STK40: variants seen among roughly 807,000 people sequenced by gnomAD.
STK40 encodes the protein serine/threonine kinase 40.
Under a neutral mutation model 47.9 loss-of-function variants are expected in STK40, and 13 were observed. The ratio of observed to expected loss-of-function variants is 0.27; its 90% CI spans 0.18 to 0.43. The LOEUF (loss-of-function observed/expected upper bound fraction) is 0.43, where lower values mean the gene tolerates loss of function less well. STK40 is among the 20% of genes least tolerant of loss of function. The probability of loss-of-function intolerance (pLI) is 1.00; values close to 1 mark genes in which losing one functional copy is unlikely to be tolerated. For synonymous variants in STK40, 225 were observed against 243.2 expected (o/e 0.93, Z 0.69); for missense variants, 460 against 595.1 (o/e 0.77, Z 2.36).
At chr1:36,370,117 A>G (rs1646932848) in intron 1 of STK40, among the ~76,000 whole-genome samples, 1 of 152,250 alleles carries the variant, frequency 6.6e-6, no homozygotes, top group South Asian at 2.1e-4. Context: ...TGCATGAGGC[A>G]GAATGGGGAC....
chr1:36,341,980 G>C lies in STK40; in HGVS notation c.1090-7C>G, dbSNP rs1243994517. The stretch of plus-strand genomic sequence containing the variant: ...ACTCCTCCGTCACCTTCGCCTTTGA[G>C]GCGGGGAGGGTGGGAAGGAGACAAA... On this transcript the variant is annotated splice_region_variant and splice_polypyrimidine_tract_variant and intron_variant, in intron 10 of 10. Coordinates refer to ENST00000373132, the MANE Select transcript of STK40 (RefSeq NM_001282547.2). The C allele has an allele frequency of 6.2e-7, 1 of 1,608,842 alleles. No homozygotes were observed. The highest frequency in any genetic ancestry group is 1.1e-5 in the South Asian group (1 of 90,618).
At chr1:36,382,319 A>G (rs966635615) in intron 1 of STK40, among the ~76,000 whole-genome samples, 12 of 152,020 alleles carry the variant, frequency 7.9e-5, no homozygotes, top group Non-Finnish European at 1.5e-4. Context: ...AGCTGGGACT[A>G]CAGGTGCGTA....
chr1:36,374,370 T>C (rs996666384), intron 1 of STK40, among the ~76,000 whole-genome samples: 4 of 152,112 alleles, frequency 2.6e-5, no homozygotes, highest in Non-Finnish European at 4.4e-5. Flanking sequence ...CACACAGAGG[T>C]AGAGAGAAGC....
intron 1 of STK40, among the ~76,000 whole-genome samples, chr1:36,371,614 C>T (rs1646947698): frequency 6.8e-6 from 1 of 146,948 alleles, no homozygotes; most frequent in South Asian, 2.2e-4. Context: ...ATGGGTCATG[C>T]CTGTGTAATC....
At chr1:36,346,564 G>T (rs1160091604) in intron 7 of STK40, among the ~76,000 whole-genome samples, 1 of 152,232 alleles carries the variant, frequency 6.6e-6, no homozygotes, top group African/African-American at 2.4e-5. Flanking sequence ...ACCCAGGAGG[G>T]AGGAGGCTGA....
At chr1:36,384,073 A>T (rs1465690614) in intron 1 of STK40, among the ~76,000 whole-genome samples, 2 of 147,726 alleles carry the variant, frequency 1.4e-5, no homozygotes, top group Non-Finnish European at 3.0e-5. Context: ...TCTGTTACTC[A>T]GGCTGGAGTG....
chr1:36,341,314 A>T lies in STK40; in HGVS notation c.*441T>A. On this transcript the variant is annotated 3_prime_UTR_variant, in exon 11 of 11. Coordinates refer to ENST00000373132, the MANE Select transcript of STK40 (RefSeq NM_001282547.2). Reference sequence around the variant, plus strand: ...GGCTGTGGCAGGGGCCTGGGAGAGCAGGGAGGAGGGGAAGCTCGCTCTGGG... The same window carrying T: ...GGCTGTGGCAGGGGCCTGGGAGAGCTGGGAGGAGGGGAAGCTCGCTCTGGG... The T allele has an allele frequency of 6.2e-6, 1 of 162,322 alleles. No homozygotes were observed. Among genetic ancestry groups the T allele is most frequent in the Non-Finnish European group, 1.4e-5 (1 of 73,690 alleles). The allele number at this position is 162,322 out of a possible 1,614,324, so 10.1% of individuals were successfully genotyped here. A position where few individuals can be genotyped will look rare whatever the true frequency, so the allele number is the denominator to read the frequency against.
chr1:36,344,796 C>T (rs989969012), intron 7 of STK40, among the ~76,000 whole-genome samples: 3 of 152,224 alleles, frequency 2.0e-5, no homozygotes, highest in Non-Finnish European at 4.4e-5. Context: ...CAGCACGGAC[C>T]CAAGTATTTG....
At chr1:36,351,741 A>G (rs1413884693) in intron 6 of STK40, among the ~76,000 whole-genome samples, 1 of 152,192 alleles carries the variant, frequency 6.6e-6, no homozygotes, top group Non-Finnish European at 1.5e-5. Flanking sequence ...CACTCCCAGG[A>G]CCAAGGGGCC....
At chr1:36,344,097 AC>A in intron 8 of STK40, 22 bp downstream of exon 8, 16 of 749,776 alleles carry the variant, frequency 2.1e-5, no homozygotes, top group Admixed American at 6.0e-5. Flanking sequence ...TGCCCCCCCC[AC>A]CCCCCGGGAG....
intron 1 of STK40, among the ~76,000 whole-genome samples, chr1:36,383,027 C>A (rs1647054242): frequency 6.6e-6 from 1 of 152,154 alleles, no homozygotes; most frequent in South Asian, 2.1e-4. Context: ...TGGTTCACCG[C>A]AACCTCCGCC....
Position 36,340,723 on chromosome 1 carries a change from G to C in STK40, c.*1032C>G, listed in dbSNP as rs1280337135. On this transcript the variant is annotated 3_prime_UTR_variant, in exon 11 of 11. Coordinates refer to ENST00000373132, the MANE Select transcript of STK40 (RefSeq NM_001282547.2). Reference sequence around the variant, plus strand: ...TCCCTCACCACCATGGAGGACCCTTGCTAGGGTCTACCGGGAGAGTCACCA... The same window carrying C: ...TCCCTCACCACCATGGAGGACCCTTCCTAGGGTCTACCGGGAGAGTCACCA... The C allele has an allele frequency of 1.3e-5, 2 of 152,662 alleles. No individual in the cohort carries two copies. The highest frequency in any genetic ancestry group is 1.3e-4 in the Admixed American group (2 of 15,282). 9.5% of individuals were successfully genotyped at this position (152,662 alleles called of 1,614,324 possible).
rs775891982 is a variant in STK40 at position 36,358,262 on chromosome 1, C to A, written c.319G>T (p.Val107Leu). The change falls in exon 4 of 11, where the codon GTG becomes TTG. Residue 107 changes from valine (V) to leucine (L), a missense_variant. This residue lies in a region of STK40 where 277 missense variants were observed against 358.7 expected (regional missense o/e 0.77). Coordinates refer to ENST00000373132, the MANE Select transcript of STK40 (RefSeq NM_001282547.2). ...LSLLHTQDGV[V>L]HHHGLFQDRT... ...ACCTGGAAGAGGCCGTGGTGGTGCACCACGCCATCCTGCGTGTGCAGGAGA... is the reference window on the plus strand; with the variant it reads ...ACCTGGAAGAGGCCGTGGTGGTGCAACACGCCATCCTGCGTGTGCAGGAGA... The A allele has an allele frequency of 1.3e-6, 2 of 1,595,304 alleles. No homozygotes were observed. The highest frequency in any genetic ancestry group is 2.3e-5 in the East Asian group (1 of 44,298).
intron 1 of STK40, among the ~76,000 whole-genome samples, chr1:36,371,585 A>C (rs1166901634): frequency 6.7e-6 from 1 of 149,496 alleles, no homozygotes; most frequent in Non-Finnish European, 1.5e-5. Flanking sequence ...GACAAGAAAA[A>C]ACAGTCTGGC....
At chr1:36,368,818 G>A (rs1646922037) in intron 1 of STK40, among the ~76,000 whole-genome samples, 1 of 152,234 alleles carries the variant, frequency 6.6e-6, no homozygotes, top group Non-Finnish European at 1.5e-5. Flanking sequence ...TTAGATAATA[G>A]TATTGTATCA....
chr1:36,367,141 C>T (rs1176888821), intron 1 of STK40, among the ~76,000 whole-genome samples: 1 of 151,988 alleles, frequency 6.6e-6, no homozygotes, highest in African/African-American at 2.4e-5. Context: ...AGCCACCACA[C>T]CTGGCCAACT....
chr1:36,343,501 T>C, intron 9 of STK40, 53 bp from the exon 10 acceptor site: 1 of 1,536,796 alleles, frequency 6.5e-7, no homozygotes, highest in South Asian at 1.2e-5. Context: ...GGTCCATTGA[T>C]CCCAGACTTA....
At chr1:36,353,619 A>G (rs1646777975) in intron 6 of STK40, among the ~76,000 whole-genome samples, 1 of 152,204 alleles carries the variant, frequency 6.6e-6, no homozygotes, top group African/African-American at 2.4e-5. Context: ...CTTAGCCAAA[A>G]GAAGCTGCCT....
chr1:36,370,442 G>A (rs998554672), intron 1 of STK40, among the ~76,000 whole-genome samples: 2 of 152,172 alleles, frequency 1.3e-5, no homozygotes, highest in African/African-American at 4.8e-5. Context: ...AACCACTTGC[G>A]CTTCTCTGAA....
Sources: gnomAD v4.1 joint callset for allele counts (sites outside exome capture counted in the v4.1 genomes callset) on GRCh38, gnomAD v4.1.1 for gene constraint, gnomAD v4.1.1 regional missense constraint, MANE v1.5 for transcripts, NCBI Gene and HGNC (gene_info 2026-07-23, HGNC 2026-07-21) for gene names.